Variants in PTPRD observed in about 807,000 individuals in gnomAD.
PTPRD encodes the protein receptor-type tyrosine-protein phosphatase delta.
Under a neutral mutation model 214.5 loss-of-function variants are expected in PTPRD, and 34 were observed. That is an observed-to-expected ratio of 0.16 (90% CI 0.12 to 0.21). The LOEUF is 0.21. Ranked by LOEUF, PTPRD falls within the 10% of genes least tolerant of loss-of-function variation. The pLI, the probability that PTPRD is intolerant of heterozygous loss-of-function variation, is 1.00. For missense variants in PTPRD, 2,545 were observed against 2,398.7 expected (o/e 1.06, Z -1.27); for synonymous variants, 1,128 against 845.7 (o/e 1.33, Z -5.79).
chr9:8,749,840 G>A (rs957228340), intron 11 of PTPRD, among the ~76,000 whole-genome samples: 5 of 152,086 alleles, frequency 3.3e-5, no homozygotes, highest in Non-Finnish European at 7.4e-5. Context: ...GGTGGCTTAC[G>A]CCTGTAATCA....
chr9:9,595,911 T>C (rs111573038), intron 7 of PTPRD, among the ~76,000 whole-genome samples: 5 of 151,478 alleles, frequency 3.3e-5, no homozygotes, highest in African/African-American at 1.2e-4. Context: ...GCTCATGTAA[T>C]CAAACACCAC....
At chr9:8,881,840 C>G (rs1442642605) in intron 11 of PTPRD, among the ~76,000 whole-genome samples, 1 of 152,180 alleles carries the variant, frequency 6.6e-6, no homozygotes, top group Non-Finnish European at 1.5e-5. Flanking sequence ...GAGAGAGATC[C>G]TCAGTTACCT....
intron 39 of PTPRD, among the ~76,000 whole-genome samples, chr9:8,353,941 T>TATGTGTGTGTAC (rs2076305004): frequency 3.0e-4 from 4 of 13,234 alleles, no homozygotes; most frequent in Admixed American, 1.7e-3. Context: ...TGTGTACATA[T>TATGTGTGTGTAC]ATATATATAT....
At chr9:8,575,793 T>G (rs1020079652) in intron 14 of PTPRD, among the ~76,000 whole-genome samples, 10 of 152,198 alleles carry the variant, frequency 6.6e-5, no homozygotes, top group African/African-American at 2.4e-4. Flanking sequence ...ATGTAGTGAC[T>G]CTAAGTCATA....
At chr9:10,482,359 A>G (rs1013193018) in intron 2 of PTPRD, among the ~76,000 whole-genome samples, 3 of 152,110 alleles carry the variant, frequency 2.0e-5, no homozygotes, top group Non-Finnish European at 4.4e-5. Flanking sequence ...CGACAGAGCA[A>G]GACTCCGTTT....
chr9:9,205,581 A>G (rs566616916), intron 9 of PTPRD, among the ~76,000 whole-genome samples: 2 of 152,342 alleles, frequency 1.3e-5, no homozygotes, highest in East Asian at 1.9e-4. Flanking sequence ...TCTTTGCATT[A>G]TCTAAAATGA....
At chr9:10,177,352 T>C (rs2099254986) in intron 3 of PTPRD, among the ~76,000 whole-genome samples, 2 of 150,872 alleles carry the variant, frequency 1.3e-5, no homozygotes, top group African/African-American at 2.4e-5. Context: ...CAAGGGCAGG[T>C]AGAAGAGGTA....
intron 4 of PTPRD, among the ~76,000 whole-genome samples, chr9:10,031,368 G>T (rs139550435): frequency 1.3e-5 from 2 of 151,810 alleles, no homozygotes; most frequent in African/African-American, 4.8e-5. Flanking sequence ...GGGGAAGGCA[G>T]ACCCACCCTT....
At chr9:8,470,315 C>G (rs2096627261) in intron 31 of PTPRD, among the ~76,000 whole-genome samples, 1 of 152,058 alleles carries the variant, frequency 6.6e-6, no homozygotes, top group South Asian at 2.1e-4. Flanking sequence ...TCATGTTATG[C>G]ATTACCTTTC....
At chr9:10,231,985 AGAGAGTGTGTGT>A (rs1321572725) in intron 3 of PTPRD, among the ~76,000 whole-genome samples, 7 of 96,194 alleles carry the variant, frequency 7.3e-5, no homozygotes, top group East Asian at 3.3e-4. Flanking sequence ...AGAGAGAGAG[AGAGAGTGTGTGT>A]GTGTGTGTGT....
intron 8 of PTPRD, among the ~76,000 whole-genome samples, chr9:9,426,097 A>G (rs948922187): frequency 6.6e-6 from 1 of 152,118 alleles, no homozygotes; most frequent in South Asian, 2.1e-4. Context: ...TGTGAGCTGA[A>G]GCAGGGTGAG....
In PTPRD at chr9:8,742,577, C is replaced by G. The variant is rs185377407; in HGVS notation, c.-103-8631G>C. Among the ~76,000 whole-genome samples the G allele has an allele frequency of 4.3e-4, 66 of 152,060 alleles. No individual in the cohort carries two copies. In the East Asian group the frequency reaches 0.011, roughly 26 times the overall value. ...TGTATCTATTTTATTTGTTTTAGCC[C>G]TATCAATACATAGTACGGAAAAGTC... On this transcript the variant is annotated intron_variant, in intron 11 of 45. Transcript: ENST00000381196.
chr9:9,989,763 T>A (rs1291266766), intron 4 of PTPRD, among the ~76,000 whole-genome samples: 1 of 152,188 alleles, frequency 6.6e-6, no homozygotes, highest in Non-Finnish European at 1.5e-5. Flanking sequence ...ACACACCCGC[T>A]GGGGCTCCAG....
chr9:9,048,771 A>T (rs1011527180), intron 10 of PTPRD, among the ~76,000 whole-genome samples: 1 of 152,128 alleles, frequency 6.6e-6, no homozygotes, highest in African/African-American at 2.4e-5. Context: ...GGGTGACTAT[A>T]ATCAATAATA....
At chr9:8,328,617 AG>A (rs1836461574) in intron 44 of PTPRD, among the ~76,000 whole-genome samples, 3 of 149,402 alleles carry the variant, frequency 2.0e-5, no homozygotes, top group Non-Finnish European at 4.4e-5. Context: ...GATATCCTGA[AG>A]AGTTTTCTCC....
chr9:8,427,346 G>C (rs1157564026), intron 35 of PTPRD, among the ~76,000 whole-genome samples: 1 of 152,112 alleles, frequency 6.6e-6, no homozygotes, highest in African/African-American at 2.4e-5. Flanking sequence ...CTTTACAGCA[G>C]GACACTCTTT....
chr9:8,637,125 A>G (rs1025985191), intron 12 of PTPRD, among the ~76,000 whole-genome samples: 1 of 152,184 alleles, frequency 6.6e-6, no homozygotes, highest in Non-Finnish European at 1.5e-5. Context: ...AACATCACAC[A>G]TTAATTTTTA....
At chr9:10,318,152 T>C (rs2096481323) in intron 3 of PTPRD, among the ~76,000 whole-genome samples, 1 of 152,060 alleles carries the variant, frequency 6.6e-6, no homozygotes, top group Admixed American at 6.6e-5. Context: ...TATGGAGGCT[T>C]GCTCTTCCTG....
intron 2 of PTPRD, among the ~76,000 whole-genome samples, chr9:10,425,162 G>T (rs1185551294): frequency 6.6e-6 from 1 of 151,840 alleles, no homozygotes; most frequent in African/African-American, 2.4e-5. Context: ...CAGTGATAAT[G>T]GTCTAGTAAA....
Sources: gnomAD v4.1 joint callset for allele counts (sites outside exome capture counted in the v4.1 genomes callset) on GRCh38, gnomAD v4.1.1 for gene constraint, MANE v1.5 for transcripts, NCBI Gene and HGNC (gene_info 2026-07-23, HGNC 2026-07-21) for gene names.